Variants in CCDC170 observed in about 807,000 individuals in gnomAD.
The protein encoded by CCDC170 is coiled-coil domain-containing protein 170.
CCDC170 carries 69 observed loss-of-function variants against 72.6 expected under a neutral mutation model. That is an observed-to-expected ratio of 0.95 (90% CI 0.78 to 1.16). The LOEUF (loss-of-function observed/expected upper bound fraction) is 1.16, where lower values mean the gene tolerates loss of function less well. Ranked by LOEUF, CCDC170 falls within the 50% of genes most tolerant of loss-of-function variation. CCDC170 has a pLI of 0.00. For synonymous variants in CCDC170, 300 were observed against 303.9 expected (o/e 0.99, Z 0.13); for missense variants, 852 against 832.5 (o/e 1.02, Z -0.29).
chr6:151,615,870 A>G (rs1474690261), intron 10 of CCDC170, 191 bp downstream of exon 10: 2 of 559,786 alleles, frequency 3.6e-6, no homozygotes, highest in Non-Finnish European at 6.3e-6. Context: ...TGTGCTCCCG[A>G]AGCGAGAACT....
At chr6:151,558,085 G>A (rs1407086268) in intron 5 of CCDC170, among the ~76,000 whole-genome samples, 3 of 152,110 alleles carry the variant, frequency 2.0e-5, no homozygotes, top group Admixed American at 1.3e-4. Flanking sequence ...GTGACAGATC[G>A]AGACTCTATC....
At chr6:151,602,429 T>G (rs1776722819) in intron 9 of CCDC170, among the ~76,000 whole-genome samples, 1 of 152,166 alleles carries the variant, frequency 6.6e-6, no homozygotes, top group Non-Finnish European at 1.5e-5. Flanking sequence ...ATTTTAAAAA[T>G]TAGGGATATT....
At chr6:151,532,694 T>C (rs1412806351) in intron 1 of CCDC170, among the ~76,000 whole-genome samples, 1 of 152,132 alleles carries the variant, frequency 6.6e-6, no homozygotes. Flanking sequence ...ATTTAAAACA[T>C]ATAAATTCTC....
chr6:151,553,965 C>T (rs545578857), intron 5 of CCDC170, among the ~76,000 whole-genome samples: 9 of 151,060 alleles, frequency 6.0e-5, no homozygotes, highest in South Asian at 4.3e-4. Flanking sequence ...GAAGTAGCCA[C>T]AGGACTAGGG....
chr6:151,583,379 G>C (rs767022330), intron 6 of CCDC170, among the ~76,000 whole-genome samples: 24 of 152,184 alleles, frequency 1.6e-4, no homozygotes, highest in East Asian at 1.9e-4. Context: ...ATTTTTGGCC[G>C]ATCTCAGATT....
At chr6:151,606,903 T>G (rs1218342325) in intron 9 of CCDC170, among the ~76,000 whole-genome samples, 2 of 152,164 alleles carry the variant, frequency 1.3e-5, no homozygotes, top group Non-Finnish European at 2.9e-5. Context: ...AAAATTTAGC[T>G]TGTTTTCTAA....
chr6:151,580,969 T>C (rs961925842), intron 6 of CCDC170, among the ~76,000 whole-genome samples: 1 of 152,192 alleles, frequency 6.6e-6, no homozygotes, highest in Non-Finnish European at 1.5e-5. Context: ...TAAAAAACAA[T>C]ATAGATACTT....
chr6:151,532,189 A>G (rs1782499761), intron 1 of CCDC170, among the ~76,000 whole-genome samples: 1 of 152,228 alleles, frequency 6.6e-6, no homozygotes, highest in African/African-American at 2.4e-5. Context: ...TAAGAAACAT[A>G]AAAAAGATAT....
At chr6:151,571,139 C>G (rs535797382) in intron 5 of CCDC170, among the ~76,000 whole-genome samples, 85 of 152,174 alleles carry the variant, frequency 5.6e-4, no homozygotes, top group African/African-American at 1.9e-3. Context: ...TATCCTTTTT[C>G]CTGTTTCCAA....
At chr6:151,513,828 G>A (rs1242154406) in intron 1 of CCDC170, among the ~76,000 whole-genome samples, 1 of 148,986 alleles carries the variant, frequency 6.7e-6, no homozygotes, top group Non-Finnish European at 1.5e-5. Context: ...GCTGAGGCAG[G>A]AGAATCGCTT....
At chr6:151,595,460 TAAGCAAAGCTTTA>T (rs1465667640) in intron 8 of CCDC170, among the ~76,000 whole-genome samples, 30 of 152,180 alleles carry the variant, frequency 2.0e-4, no homozygotes, top group African/African-American at 6.3e-4. Flanking sequence ...TTTATATGTA[TAAGCAAAGCTTTA>T]AAGCAAAGCT....
At chr6:151,608,005 C>A (rs1167285776) in intron 9 of CCDC170, among the ~76,000 whole-genome samples, 1 of 152,100 alleles carries the variant, frequency 6.6e-6, no homozygotes, top group African/African-American at 2.4e-5. Context: ...GTACCTATGC[C>A]ACATAGACTT....
chr6:151,606,990 T>C (rs1053295166), intron 9 of CCDC170, among the ~76,000 whole-genome samples: 1 of 152,176 alleles, frequency 6.6e-6, no homozygotes, highest in African/African-American at 2.4e-5. Flanking sequence ...TCAGTCTATG[T>C]GTCTTTACAG....
intron 1 of CCDC170, among the ~76,000 whole-genome samples, chr6:151,532,808 T>C (rs1324263287): frequency 6.6e-6 from 1 of 152,188 alleles, no homozygotes; most frequent in Non-Finnish European, 1.5e-5. Context: ...AATGAATATG[T>C]AAGAATAGCC....
chr6:151,571,166 A>T (rs544872378), intron 5 of CCDC170, among the ~76,000 whole-genome samples: 1 of 152,274 alleles, frequency 6.6e-6, no homozygotes, highest in South Asian at 2.1e-4. Context: ...AATGGAGAGA[A>T]ATTTCTTTTA....
At chr6:151,539,507 T>A (rs940592797) in intron 3 of CCDC170, among the ~76,000 whole-genome samples, 2 of 152,210 alleles carry the variant, frequency 1.3e-5, no homozygotes, top group African/African-American at 4.8e-5. Context: ...TAATCTTACC[T>A]TGCTAGCTAG....
At chr6:151,530,149 C>G (rs1421983537) in intron 1 of CCDC170, among the ~76,000 whole-genome samples, 1 of 151,676 alleles carries the variant, frequency 6.6e-6, no homozygotes, top group Non-Finnish European at 1.5e-5. Context: ...TATTTTTGAA[C>G]TCTAGTTGTT....
chr6:151,580,793 G>T (rs1036435783), intron 6 of CCDC170, among the ~76,000 whole-genome samples: 2 of 152,110 alleles, frequency 1.3e-5, no homozygotes, highest in Admixed American at 1.3e-4. Flanking sequence ...ACTTCAATCT[G>T]CATTGCAACA....
At chr6:151,521,750 A>G (rs1005109073) in intron 1 of CCDC170, among the ~76,000 whole-genome samples, 2 of 152,014 alleles carry the variant, frequency 1.3e-5, no homozygotes, top group African/African-American at 2.4e-5. Context: ...TTGGGAGGCC[A>G]AGGAGGGTGG....
Sources: allele counts gnomAD v4.1 joint callset (sites outside exome capture counted in the v4.1 genomes callset), GRCh38; gene constraint gnomAD v4.1.1; transcripts MANE v1.5; gene names NCBI Gene and HGNC (gene_info 2026-07-23, HGNC 2026-07-21).